GRM7: variants seen among roughly 807,000 people sequenced by gnomAD.
GRM7 encodes glutamate metabotropic receptor 7, also known as metabotropic glutamate receptor 7.
GRM7 carries 35 observed loss-of-function variants against 84.5 expected under a neutral mutation model. The ratio of observed to expected loss-of-function variants is 0.41; its 90% CI spans 0.32 to 0.55. GRM7 has a LOEUF of 0.55. Ranked by LOEUF, GRM7 falls within the 20% of genes least tolerant of loss-of-function variation. The pLI, the probability that GRM7 is intolerant of heterozygous loss-of-function variation, is 0.19. For missense variants in GRM7, 1,003 were observed against 1,194.6 expected (o/e 0.84, Z 2.36); for synonymous variants, 487 against 455.1 (o/e 1.07, Z -0.89).
chr3:6,956,697 C>T (rs1343789360), intron 1 of GRM7: 1 of 450,048 alleles, frequency 2.2e-6, no homozygotes, highest in Admixed American at 2.4e-5. Flanking sequence ...ACTCCAAACG[C>T]CTGAAAAAAG....
chr3:7,466,178 T>C (rs748711555), intron 7 of GRM7, among the ~76,000 whole-genome samples: 3 of 152,150 alleles, frequency 2.0e-5, no homozygotes, highest in African/African-American at 4.8e-5. Flanking sequence ...ATGTGCAGTG[T>C]GTCAGGAGAG....
intron 8 of GRM7, among the ~76,000 whole-genome samples, chr3:7,624,482 A>C (rs542686868): frequency 0.02 from 2,975 of 152,300 alleles, 31 homozygotes; most frequent in Non-Finnish European, 0.032. Context: ...ACCTGATAAT[A>C]CAGGAATTTC....
chr3:7,214,268 C>T (rs1198274938), intron 2 of GRM7, among the ~76,000 whole-genome samples: 1 of 152,130 alleles, frequency 6.6e-6, no homozygotes. Context: ...GAGAAAACAA[C>T]ATTTCTAGAA....
rs531622437 is a variant in GRM7 at position 7,177,597 on chromosome 3, G to C, written c.736+30929G>C. ...AGGCGGGCGACAGAGTGACATGGAG[G>C]AGACAGGAGAGTTAGATGGGGTGGG... is the stretch of plus-strand genomic sequence containing the variant. On this transcript the variant is annotated intron_variant, in intron 2 of 9. Transcript: ENST00000357716. Among the ~76,000 whole-genome samples the C allele has an allele frequency of 7.3e-5, 11 of 151,304 alleles. No individual in the cohort carries two copies. The South Asian group carries it at 2.1e-3, about 29-fold the overall frequency.
chr3:7,531,573 A>G (rs753517991), intron 7 of GRM7, among the ~76,000 whole-genome samples: 5 of 152,028 alleles, frequency 3.3e-5, no homozygotes, highest in African/African-American at 7.2e-5. Context: ...TCTTGTAGCA[A>G]TTGTCAATGG....
intron 4 of GRM7, among the ~76,000 whole-genome samples, chr3:7,312,936 CTTT>C (rs372557190): frequency 0.47 from 58,967 of 126,628 alleles, 12,045 homozygotes; most frequent in Non-Finnish European, 0.49. Context: ...TTCTTTTTTT[CTTT>C]TTTTTTTTTT....
chr3:7,220,054 C>A (rs967664827), intron 2 of GRM7, among the ~76,000 whole-genome samples: 16 of 152,088 alleles, frequency 1.1e-4, no homozygotes, highest in Non-Finnish European at 2.1e-4. Context: ...CCATAAGTCC[C>A]TGGCTGATAT....
intron 8 of GRM7, among the ~76,000 whole-genome samples, chr3:7,593,759 C>G (rs916214675): frequency 2.0e-5 from 3 of 151,766 alleles, no homozygotes; most frequent in African/African-American, 7.3e-5. Context: ...GAATTCTGAG[C>G]AAGAAGGGAA....
intron 2 of GRM7, among the ~76,000 whole-genome samples, chr3:7,155,286 A>G (rs139436422): frequency 1.3e-5 from 2 of 152,218 alleles, no homozygotes; most frequent in Non-Finnish European, 2.9e-5. Context: ...ATATTTCCCA[A>G]TGTAATTTTA....
intron 1 of GRM7, among the ~76,000 whole-genome samples, chr3:7,036,136 T>G (rs2124933765): frequency 6.6e-6 from 1 of 152,284 alleles, no homozygotes; most frequent in South Asian, 2.1e-4. Flanking sequence ...CCAATTGTTC[T>G]TACAGCCTAC....
chr3:6,962,142 T>TTTA, intron 1 of GRM7, among the ~76,000 whole-genome samples: 1 of 152,238 alleles, frequency 6.6e-6, no homozygotes, highest in Non-Finnish European at 1.5e-5. Flanking sequence ...ATGAGCTAGA[T>TTTA]CTCCCTTAGC....
chr3:7,439,081 A>C (rs1400203836), intron 5 of GRM7, among the ~76,000 whole-genome samples: 1 of 152,138 alleles, frequency 6.6e-6, no homozygotes, highest in Non-Finnish European at 1.5e-5. Context: ...GGAAGGAGTG[A>C]GTGTGAGAAG....
At chr3:7,455,613 G>A (rs144576225) in intron 6 of GRM7, among the ~76,000 whole-genome samples, 131 of 152,254 alleles carry the variant, frequency 8.6e-4, no homozygotes, top group African/African-American at 3.1e-3. Context: ...ATTAAAAGAT[G>A]TTCTATAAAA....
At chr3:6,893,618 C>T (rs1350562243) in intron 1 of GRM7, among the ~76,000 whole-genome samples, 1 of 152,146 alleles carries the variant, frequency 6.6e-6, no homozygotes, top group African/African-American at 2.4e-5. Flanking sequence ...CACAAAAATA[C>T]ACCTCTCAGC....
At chr3:7,347,372 C>G (rs572820252) in intron 4 of GRM7, among the ~76,000 whole-genome samples, 1 of 152,228 alleles carries the variant, frequency 6.6e-6, no homozygotes, top group East Asian at 1.9e-4. Flanking sequence ...TAGATAAATC[C>G]AACAAGATCC....
chr3:6,907,397 T>C (rs1375116987), intron 1 of GRM7, among the ~76,000 whole-genome samples: 1 of 152,208 alleles, frequency 6.6e-6, no homozygotes, highest in Non-Finnish European at 1.5e-5. Flanking sequence ...TAAAGGGTTA[T>C]GCTGAACAAG....
intron 2 of GRM7, among the ~76,000 whole-genome samples, chr3:7,228,824 C>T (rs1697067764): frequency 6.6e-6 from 1 of 152,008 alleles, no homozygotes; most frequent in African/African-American, 2.4e-5. Context: ...AAATTGGTTC[C>T]TATATTTTAG....
chr3:7,112,381 TG>T (rs1444955256), intron 1 of GRM7, among the ~76,000 whole-genome samples: 10 of 151,950 alleles, frequency 6.6e-5, no homozygotes, highest in African/African-American at 2.4e-4. Flanking sequence ...TGTGCTACCA[TG>T]CTTCTTTAAT....
chr3:6,882,506 A>G (rs1695547718), intron 1 of GRM7, among the ~76,000 whole-genome samples: 2 of 152,170 alleles, frequency 1.3e-5, no homozygotes, highest in East Asian at 3.9e-4. Context: ...TAGTTGCACC[A>G]CTGCCCCCCG....
Sources: allele counts gnomAD v4.1 joint callset (sites outside exome capture counted in the v4.1 genomes callset), GRCh38; gene constraint gnomAD v4.1.1; transcripts MANE v1.5; gene names NCBI Gene and HGNC (gene_info 2026-07-23, HGNC 2026-07-21).